Variants in KLF7 observed in about 807,000 individuals in gnomAD.
KLF7 encodes Krueppel-like factor 7.
In KLF7, 2 loss-of-function variants were observed where a neutral mutation model predicts 27.3. The observed-to-expected ratio is 0.07, with a 90% CI of 0.03 to 0.23. The LOEUF (loss-of-function observed/expected upper bound fraction) is 0.23, where lower values mean the gene tolerates loss of function less well. KLF7 is among the 10% of genes least tolerant of loss of function. The pLI, the probability that KLF7 is intolerant of heterozygous loss-of-function variation, is 1.00. For synonymous variants in KLF7, 165 were observed against 162.4 expected (o/e 1.02, Z -0.12); for missense variants, 221 against 394.1 (o/e 0.56, Z 3.72).
At chr2:207,170,042 T>C (rs1256142540), upstream of KLF7, among the ~76,000 whole-genome samples, 3 of 151,640 alleles carry the variant, frequency 2.0e-5, no homozygotes, top group African/African-American at 7.3e-5. Context: ...GTGAAGAAGG[T>C]ATATCAAACA....
upstream of KLF7, chr2:207,166,214 T>G (rs1188348279): frequency 2.0e-6 from 2 of 980,984 alleles, no homozygotes; most frequent in Non-Finnish European, 2.4e-6. Flanking sequence ...AGGGGGCTCA[T>G]GAAGTCACTG....
chr2:207,158,720 C>T (rs2078458774), intron 1 of KLF7, among the ~76,000 whole-genome samples: 1 of 152,146 alleles, frequency 6.6e-6, no homozygotes, highest in Non-Finnish European at 1.5e-5. Context: ...TCAAATTACA[C>T]AAGTAAGCCT....
intron 2 of KLF7, among the ~76,000 whole-genome samples, chr2:207,109,631 C>T (rs1394984049): frequency 6.6e-6 from 1 of 152,164 alleles, no homozygotes; most frequent in Non-Finnish European, 1.5e-5. Flanking sequence ...TTGGGTAATG[C>T]ACTAACATAG....
At chr2:207,085,445 C>T (rs1250434008) in intron 3 of KLF7, among the ~76,000 whole-genome samples, 1 of 152,136 alleles carries the variant, frequency 6.6e-6, no homozygotes, top group African/African-American at 2.4e-5. Context: ...CTATCTACCA[C>T]CATCAGCAGC....
At chr2:207,094,585 A>C (rs1384693349) in intron 2 of KLF7, among the ~76,000 whole-genome samples, 1 of 152,224 alleles carries the variant, frequency 6.6e-6, no homozygotes, top group Non-Finnish European at 1.5e-5. Flanking sequence ...AGAGAATTTA[A>C]GCAAGCTGGA....
chr2:207,142,821 C>G (rs1001825533), intron 1 of KLF7, among the ~76,000 whole-genome samples: 1 of 152,224 alleles, frequency 6.6e-6, no homozygotes, highest in Admixed American at 6.5e-5. Flanking sequence ...GCAAGAAATG[C>G]ATGCCCTCGG....
chr2:207,157,538 G>T (rs2078424107), intron 1 of KLF7, among the ~76,000 whole-genome samples: 1 of 152,198 alleles, frequency 6.6e-6, no homozygotes, highest in Admixed American at 6.5e-5. Context: ...TGCAAATATT[G>T]TGTAGACCCA....
intron 1 of KLF7, 64 bp from the exon 2 acceptor site, chr2:207,124,468 C>G (rs776107201): frequency 2.1e-6 from 3 of 1,452,164 alleles, no homozygotes; most frequent in Admixed American, 2.2e-5. Flanking sequence ...TGAGGCCACA[C>G]GTTGACAGGC....
At position 207,077,165 on chromosome 2, in the gene KLF7, C is replaced by CA. The variant is rs2076189812; in HGVS notation, c.*4047dup. 6.6e-6 allele frequency: 1 copy of CA among 152,156 alleles called. No individual in the cohort carries two copies. Among genetic ancestry groups the CA allele is most frequent in the Admixed American group, 6.5e-5 (1 of 15,276 alleles). The allele number at this position is 152,156 out of a possible 1,614,324, so 9.4% of individuals were successfully genotyped here. On this transcript the variant is annotated 3_prime_UTR_variant, in exon 4 of 4. Coordinates refer to ENST00000309446, the MANE Select transcript of KLF7 (RefSeq NM_003709.4). The stretch of plus-strand genomic sequence containing the variant: ...ACCATTTTGAACCATCAAAACGAGT[C>CA]ACTGGGTTTTGTTCTTGCAACTTGA...
chr2:207,133,989 C>T, intron 1 of KLF7: 2 of 1,090,136 alleles, frequency 1.8e-6, no homozygotes, highest in Non-Finnish European at 1.3e-6. Flanking sequence ...CGCTCTTATG[C>T]ACCCCCACCC....
intron 3 of KLF7, among the ~76,000 whole-genome samples, chr2:207,085,917 C>G (rs1477878997): frequency 4.1e-5 from 6 of 145,858 alleles, no homozygotes; most frequent in Admixed American, 6.9e-5. Flanking sequence ...GTGGCCAGAT[C>G]TGATTTTTCC....
upstream of KLF7, chr2:207,166,023 C>T (rs559890175): frequency 9.8e-5 from 59 of 601,824 alleles, no homozygotes; most frequent in East Asian, 1.8e-4. Context: ...CTCTTCCCCC[C>T]CCTTCCCTTC....
At chr2:207,166,279 G>A (rs1247593078), upstream of KLF7, 21 of 750,066 alleles carry the variant, frequency 2.8e-5, no homozygotes, top group Non-Finnish European at 3.2e-5. Flanking sequence ...CCCTGGCGGC[G>A]GGCGCGGATT....
Position 207,165,791 on chromosome 2 carries a change from C to A in KLF7, c.-223G>T. On this transcript the variant is annotated 5_prime_UTR_variant, in exon 1 of 4. An upstream start codon of the reference 5' UTR is lost. Transcript: ENST00000309446. ...AGTGAGTGGGGTGGATGGAGAGAGG[C>A]ATCCAGCGTGTACAGTGCAGACGAC... 1.4e-6 allele frequency: 2 copies of A among 1,425,786 alleles called. No homozygotes were observed. The highest frequency in any genetic ancestry group is 1.8e-6 in the Non-Finnish European group (2 of 1,095,344). The allele number at this position is 1,425,786 out of a possible 1,614,324, so 88.3% of individuals were successfully genotyped here. A position where few individuals can be genotyped will look rare whatever the true frequency, so the allele number is the denominator to read the frequency against.
intron 2 of KLF7, among the ~76,000 whole-genome samples, chr2:207,098,058 T>C (rs941305065): frequency 6.6e-6 from 1 of 152,230 alleles, no homozygotes; most frequent in Non-Finnish European, 1.5e-5. Context: ...AGCTGTATGT[T>C]CTCAAGTTTT....
chr2:207,163,035 T>C (rs1412673338), intron 1 of KLF7, among the ~76,000 whole-genome samples: 1 of 152,174 alleles, frequency 6.6e-6, no homozygotes, highest in Admixed American at 6.5e-5. Context: ...CAGTTGCATA[T>C]CACCATCACC....
At chr2:207,145,797 T>A (rs189849330) in intron 1 of KLF7, among the ~76,000 whole-genome samples, 1 of 150,722 alleles carries the variant, frequency 6.6e-6, no homozygotes, top group South Asian at 2.1e-4. Context: ...GGTTCACCAC[T>A]GCATCCTCAG....
intron 1 of KLF7, among the ~76,000 whole-genome samples, chr2:207,153,037 C>T (rs529811435): frequency 6.6e-6 from 1 of 152,284 alleles, no homozygotes; most frequent in Admixed American, 6.5e-5. Flanking sequence ...GTCTGATAAT[C>T]TCACTGTTCC....
intron 2 of KLF7, among the ~76,000 whole-genome samples, chr2:207,112,178 T>TTTTTTTTTTTTTTTGAGACG (rs1460339107): frequency 6.8e-6 from 1 of 148,142 alleles, no homozygotes; most frequent in African/African-American, 2.5e-5. Context: ...CAAATGCTTT[T>TTTTTTTTTTTTTTTGAGACG]GAGTGATTAA....
Sources: allele counts gnomAD v4.1 joint callset (sites outside exome capture counted in the v4.1 genomes callset), GRCh38; gene constraint gnomAD v4.1.1; transcripts MANE v1.5; gene names NCBI Gene and HGNC (gene_info 2026-07-23, HGNC 2026-07-21).